The following QTMAN variants were observed in gnomAD, a reference collection of about 807,000 sequenced individuals.
QTMAN encodes the protein queuosine-tRNA mannosyltransferase, also known as tRNA-queuosine alpha-mannosyltransferase.
the QTMAN span, among the ~76,000 whole-genome samples, chr2:144,120,788 A>G: frequency 2.2e-4 from 34 of 152,238 alleles, no homozygotes; most frequent in Non-Finnish European, 4.4e-4. Flanking sequence ...CCATTTCAAG[A>G]GCTGCCTAAA....
the QTMAN span, among the ~76,000 whole-genome samples, chr2:144,138,686 T>G: frequency 6.6e-6 from 1 of 152,056 alleles, no homozygotes; most frequent in African/African-American, 2.4e-5. Flanking sequence ...AAGCACATAA[T>G]TGGGTGGACC....
the QTMAN span, among the ~76,000 whole-genome samples, chr2:144,076,876 T>A: frequency 1.3e-5 from 2 of 152,034 alleles, no homozygotes; most frequent in African/African-American, 4.8e-5. Context: ...CCCAGCACTT[T>A]GAGATGCTGA....
chr2:144,163,538 T>TA, the QTMAN span, among the ~76,000 whole-genome samples: 1 of 152,320 alleles, frequency 6.6e-6, no homozygotes, highest in East Asian at 1.9e-4. Context: ...TTTCTTTTTA[T>TA]AAAAATCCCT....
the QTMAN span, among the ~76,000 whole-genome samples, chr2:144,000,738 G>A: frequency 6.6e-6 from 1 of 152,176 alleles, no homozygotes; most frequent in South Asian, 2.1e-4. Context: ...GCATGAGGAA[G>A]TTTTGGTGGA....
chr2:144,205,345 CCTT>C, the QTMAN span, among the ~76,000 whole-genome samples: 5 of 152,078 alleles, frequency 3.3e-5, no homozygotes, highest in Non-Finnish European at 7.4e-5. Context: ...GGGGAGTTGG[CCTT>C]CTTCTTTTAT....
the QTMAN span, among the ~76,000 whole-genome samples, chr2:144,203,304 G>T: frequency 2.0e-5 from 3 of 152,118 alleles, no homozygotes; most frequent in African/African-American, 7.2e-5. Context: ...TGGTTTGCAG[G>T]ATTATCCTAT....
chr2:144,137,796 C>G, the QTMAN span, among the ~76,000 whole-genome samples: 1 of 152,070 alleles, frequency 6.6e-6, no homozygotes, highest in Non-Finnish European at 1.5e-5. Flanking sequence ...TCCTAAGTTT[C>G]TTTGGCTATG....
the QTMAN span, among the ~76,000 whole-genome samples, chr2:144,051,131 T>C: frequency 6.6e-6 from 1 of 152,176 alleles, no homozygotes; most frequent in African/African-American, 2.4e-5. Context: ...TAGGTGTTAT[T>C]GCTCTTATTA....
chr2:144,285,941 C>T, the QTMAN span, among the ~76,000 whole-genome samples: 1 of 152,294 alleles, frequency 6.6e-6, no homozygotes, highest in African/African-American at 2.4e-5. Flanking sequence ...TTCCCTCCAG[C>T]TTGAATTTAG....
chr2:144,243,337 A>G, the QTMAN span, among the ~76,000 whole-genome samples: 4 of 152,204 alleles, frequency 2.6e-5, no homozygotes, highest in African/African-American at 7.2e-5. Flanking sequence ...ACAACTCCAT[A>G]ATGCCCATTT....
the QTMAN span, among the ~76,000 whole-genome samples, chr2:144,088,290 A>C: frequency 2.6e-5 from 4 of 152,106 alleles, no homozygotes; most frequent in Non-Finnish European, 5.9e-5. Context: ...TACAAGGATA[A>C]CTACAAAACA....
chr2:144,332,571 G>T, the QTMAN span: 12 of 149,086 alleles, frequency 8.0e-5, no homozygotes, highest in Admixed American at 8.0e-4. Context: ...GGCCGCCTCG[G>T]CCTCCGGGCG....
the QTMAN span, among the ~76,000 whole-genome samples, chr2:144,277,825 A>G: frequency 2.5e-3 from 387 of 152,286 alleles, 4 homozygotes; most frequent in Non-Finnish European, 4.1e-3. Flanking sequence ...TGGCAGATAT[A>G]GAAGATTTGT....
the QTMAN span, among the ~76,000 whole-genome samples, chr2:144,225,918 T>C: frequency 6.6e-6 from 1 of 152,336 alleles, no homozygotes; most frequent in African/African-American, 2.4e-5. Flanking sequence ...TTATGTACAA[T>C]TCATGTTTGT....
chr2:144,307,879 C>T, the QTMAN span, among the ~76,000 whole-genome samples: 4 of 137,240 alleles, frequency 2.9e-5, no homozygotes, highest in Non-Finnish European at 4.9e-5. Context: ...TAGAATAATT[C>T]AATCATTTAG....
the QTMAN span, among the ~76,000 whole-genome samples, chr2:143,999,963 T>C: frequency 6.6e-6 from 1 of 152,166 alleles, no homozygotes; most frequent in Non-Finnish European, 1.5e-5. Context: ...TGACATGGTG[T>C]GTTAAAATGT....
chr2:144,149,540 C>A, the QTMAN span, among the ~76,000 whole-genome samples: 2 of 151,886 alleles, frequency 1.3e-5, no homozygotes, highest in Non-Finnish European at 2.9e-5. Context: ...GTAAGAGAAA[C>A]CTATATTTAA....
At chr2:144,327,999 C>T in the QTMAN span, among the ~76,000 whole-genome samples, 5,982 of 152,084 alleles carry the variant, frequency 0.039, 183 homozygotes, top group Non-Finnish European at 0.06. Context: ...TCACCCAGGC[C>T]GGCGTGCAGT....
the QTMAN span, among the ~76,000 whole-genome samples, chr2:143,992,652 T>C: frequency 6.6e-6 from 1 of 152,042 alleles, no homozygotes; most frequent in African/African-American, 2.4e-5. Context: ...ACTCAAACAA[T>C]AACTGGGAGA....
Sources: allele counts gnomAD v4.1 joint callset (sites outside exome capture counted in the v4.1 genomes callset), GRCh38; gene constraint gnomAD v4.1.1; transcripts MANE v1.5; gene names NCBI Gene and HGNC (gene_info 2026-07-23, HGNC 2026-07-21).